BCKDHB: variants seen among roughly 807,000 people sequenced by gnomAD.
The protein encoded by BCKDHB is branched chain keto acid dehydrogenase E1 subunit beta.
A neutral mutation model predicts 48.5 loss-of-function variants in BCKDHB; 41 were observed. That is an observed-to-expected ratio of 0.85 (90% CI 0.66 to 1.10). BCKDHB has a LOEUF of 1.10. Ranked by LOEUF, BCKDHB falls within the 50% of genes least tolerant of loss-of-function variation. The pLI is 0.00. For synonymous variants in BCKDHB, 201 were observed against 174.8 expected (o/e 1.15, Z -1.18); for missense variants, 496 against 494.2 (o/e 1.00, Z -0.03).
intron 1 of BCKDHB, among the ~76,000 whole-genome samples, chr6:80,117,393 A>G (rs1769760500): frequency 6.6e-6 from 1 of 152,262 alleles, no homozygotes; most frequent in Admixed American, 6.5e-5. Context: ...GCAATAAGAT[A>G]TCATGTCATT....
chr6:80,179,558 T>C lies in BCKDHB; in HGVS notation c.742+8168T>C, dbSNP rs996560973. Among the ~76,000 whole-genome samples the C allele has an allele frequency of 1.8e-4, 27 of 152,148 alleles. 1 individual carries two copies. Among genetic ancestry groups the C allele is most frequent in the Non-Finnish European group, 5.9e-5 (4 of 68,022 alleles). On this transcript the variant is annotated intron_variant, in intron 6 of 9. Transcript: ENST00000320393. ...TCCTGTGCCATTTAGATCAGGGTTC[T>C]GAGCAGCTATGGATTTTTGTATCTT... is the stretch of plus-strand genomic sequence containing the variant.
At chr6:80,460,722 T>C in the BCKDHB span, among the ~76,000 whole-genome samples, 1 of 152,162 alleles carries the variant, frequency 6.6e-6, no homozygotes, top group Non-Finnish European at 1.5e-5. Context: ...CCACAGTGAC[T>C]CAAAACTCTG....
intron 8 of BCKDHB, among the ~76,000 whole-genome samples, chr6:80,207,540 A>G (rs932012412): frequency 6.6e-6 from 1 of 151,898 alleles, no homozygotes; most frequent in African/African-American, 2.4e-5. Context: ...AAGTAATTAA[A>G]TTAAATACAA....
chr6:80,174,705 G>A (rs1773072404), intron 6 of BCKDHB, among the ~76,000 whole-genome samples: 2 of 152,110 alleles, frequency 1.3e-5, no homozygotes. Context: ...TATCTTCCAG[G>A]TCCTGGACAC....
At chr6:80,204,677 A>G (rs1774554747) in intron 8 of BCKDHB, among the ~76,000 whole-genome samples, 2 of 152,098 alleles carry the variant, frequency 1.3e-5, no homozygotes, top group South Asian at 2.1e-4. Context: ...CTATATATAT[A>G]TAAATAATAC....
intron 9 of BCKDHB, among the ~76,000 whole-genome samples, chr6:80,305,377 G>A (rs117887882): frequency 0.015 from 2,313 of 151,454 alleles, 19 homozygotes; most frequent in Non-Finnish European, 0.026. Context: ...TCTAGAGTCA[G>A]TCCAATTTCT....
the BCKDHB span, among the ~76,000 whole-genome samples, chr6:80,415,439 T>C: frequency 6.6e-6 from 1 of 152,150 alleles, no homozygotes; most frequent in Non-Finnish European, 1.5e-5. Flanking sequence ...TATTTTGAGA[T>C]GTTTGTTAAA....
At chr6:80,327,603 T>C (rs1769096873) in intron 9 of BCKDHB, among the ~76,000 whole-genome samples, 1 of 152,146 alleles carries the variant, frequency 6.6e-6, no homozygotes, top group Non-Finnish European at 1.5e-5. Flanking sequence ...GTCCAACTTT[T>C]TAGGTTTTTA....
intron 6 of BCKDHB, among the ~76,000 whole-genome samples, chr6:80,195,371 C>T (rs1272367315): frequency 1.3e-5 from 2 of 152,036 alleles, no homozygotes; most frequent in East Asian, 3.9e-4. Flanking sequence ...TATATTCTTT[C>T]TTATCTCTAG....
intron 9 of BCKDHB, among the ~76,000 whole-genome samples, chr6:80,315,913 T>G (rs1015642242): frequency 1.3e-5 from 2 of 152,178 alleles, no homozygotes; most frequent in Non-Finnish European, 2.9e-5. Flanking sequence ...AGTAACCAAT[T>G]CCTTCTCTTT....
chr6:80,223,416 G>T (rs1775548391), intron 8 of BCKDHB, among the ~76,000 whole-genome samples: 1 of 152,012 alleles, frequency 6.6e-6, no homozygotes, highest in East Asian at 1.9e-4. Context: ...TAATAATAAT[G>T]TCATTAAGTC....
intron 8 of BCKDHB, among the ~76,000 whole-genome samples, chr6:80,225,083 A>G (rs1302164257): frequency 2.6e-5 from 4 of 152,138 alleles, no homozygotes; most frequent in Non-Finnish European, 4.4e-5. Flanking sequence ...CAGCCTCCTC[A>G]TAGTCCTCTT....
At chr6:80,200,063 C>CAAAAAAAA (rs55737130) in intron 6 of BCKDHB, among the ~76,000 whole-genome samples, 4 of 32,764 alleles carry the variant, frequency 1.2e-4, no homozygotes, top group East Asian at 1.1e-3. Flanking sequence ...GACCCTGTCT[C>CAAAAAAAA]AAAAAAAAAA....
chr6:80,327,476 A>G (rs1376389557), intron 9 of BCKDHB, among the ~76,000 whole-genome samples: 1 of 152,216 alleles, frequency 6.6e-6, no homozygotes, highest in East Asian at 1.9e-4. Context: ...TGTTATAACA[A>G]CATACCTGAG....
chr6:80,127,266 C>T, intron 1 of BCKDHB: 1 of 386,880 alleles, frequency 2.6e-6, no homozygotes. Flanking sequence ...TTCCATAGGT[C>T]TTATTGTCTA....
At chr6:80,430,102 T>G in the BCKDHB span, among the ~76,000 whole-genome samples, 1,691 of 152,358 alleles carry the variant, frequency 0.011, 17 homozygotes, top group African/African-American at 0.026. Flanking sequence ...CAAAGGCCTT[T>G]TCTGCATCTT....
the BCKDHB span, among the ~76,000 whole-genome samples, chr6:80,360,803 C>T: frequency 5.9e-5 from 9 of 151,792 alleles, no homozygotes; most frequent in South Asian, 1.9e-3. Flanking sequence ...GTCAGGAGTT[C>T]GAGACCAGCC....
At chr6:80,199,648 G>C (rs1028523408) in intron 6 of BCKDHB, among the ~76,000 whole-genome samples, 1 of 151,244 alleles carries the variant, frequency 6.6e-6, no homozygotes, top group Non-Finnish European at 1.5e-5. Context: ...GTGGTGGTGC[G>C]TGCCTGTAAT....
At chr6:80,397,740 G>T in the BCKDHB span, among the ~76,000 whole-genome samples, 1 of 152,058 alleles carries the variant, frequency 6.6e-6, no homozygotes, top group Non-Finnish European at 1.5e-5. Flanking sequence ...AAATTAGCCA[G>T]GCATGGTGGC....
Sources: allele counts gnomAD v4.1 joint callset (sites outside exome capture counted in the v4.1 genomes callset), GRCh38; gene constraint gnomAD v4.1.1; transcripts MANE v1.5; gene names NCBI Gene and HGNC (gene_info 2026-07-23, HGNC 2026-07-21).